The following FAM117B variants were observed in gnomAD, a reference collection of about 807,000 sequenced individuals.
FAM117B encodes the protein family with sequence similarity 117 member B.
In FAM117B, 22 loss-of-function variants were observed where a neutral mutation model predicts 52.8. The observed-to-expected ratio is 0.42, with a 90% CI of 0.30 to 0.59. FAM117B has a LOEUF of 0.59. Ranked by LOEUF, FAM117B falls within the 20% of genes least tolerant of loss-of-function variation. FAM117B has a pLI of 0.22. For missense variants in FAM117B, 678 were observed against 802.6 expected, an observed-to-expected ratio of 0.84 and a Z score of 1.88; for synonymous variants, 309 against 324.1, an observed-to-expected ratio of 0.95 and a Z score of 0.50.
chr2:202,661,151 T>C (rs1033223554), intron 1 of FAM117B, among the ~76,000 whole-genome samples: 3 of 152,232 alleles, frequency 2.0e-5, no homozygotes, highest in African/African-American at 7.2e-5. Context: ...TTTTGTTTTG[T>C]TCCCAAATCT....
Position 202,765,977 on chromosome 2 carries a change from G to T in FAM117B, c.*213G>T. On this transcript the variant is annotated 3_prime_UTR_variant, in exon 8 of 8. Coordinates refer to ENST00000392238, the MANE Select transcript of FAM117B (RefSeq NM_173511.4). ...AGTGCTTAGCCTGCTTTTTATCAAA[G>T]CACTGATTGAAACAAGAAAGGTCTC... The T allele has an allele frequency of 1.8e-6, 1 of 541,252 alleles. No individual in the cohort carries two copies. Among genetic ancestry groups the T allele is most frequent in the Non-Finnish European group, 3.3e-6 (1 of 303,926 alleles). The allele number at this position is 541,252 out of a possible 1,614,324, so 33.5% of individuals were successfully genotyped here.
At chr2:202,716,226 AAAC>A (rs1488738276) in intron 2 of FAM117B, among the ~76,000 whole-genome samples, 2 of 152,054 alleles carry the variant, frequency 1.3e-5, no homozygotes, top group East Asian at 3.9e-4. Context: ...TTCCATTTGC[AAAC>A]AACATCTTTT....
chr2:202,684,124 C>T (rs1437830647), intron 1 of FAM117B, among the ~76,000 whole-genome samples: 1 of 152,174 alleles, frequency 6.6e-6, no homozygotes. Context: ...GCCTCAGCCT[C>T]CCAAAGTGCT....
chr2:202,715,338 G>A (rs1181317732), intron 2 of FAM117B, among the ~76,000 whole-genome samples: 6 of 148,502 alleles, frequency 4.0e-5, no homozygotes, highest in East Asian at 2.0e-4. Context: ...GGTGGCTGCC[G>A]GGCGGAGACG....
chr2:202,763,518 T>C (rs1031131738), intron 7 of FAM117B, among the ~76,000 whole-genome samples: 1 of 152,196 alleles, frequency 6.6e-6, no homozygotes, highest in African/African-American at 2.4e-5. Flanking sequence ...GGTAATTCTG[T>C]CTTCAAAGGA....
At chr2:202,677,966 AC>A (rs1481589879) in intron 1 of FAM117B, among the ~76,000 whole-genome samples, 1 of 152,124 alleles carries the variant, frequency 6.6e-6, no homozygotes, top group African/African-American at 2.4e-5. Context: ...TGCATAGAAA[AC>A]CATTTCGTGA....
chr2:202,742,614 GA>G (rs1207402683), intron 4 of FAM117B, among the ~76,000 whole-genome samples: 2 of 151,568 alleles, frequency 1.3e-5, no homozygotes, highest in African/African-American at 2.4e-5. Flanking sequence ...AATCTCAGCA[GA>G]AAAAAAAGAT....
chr2:202,681,918 C>T (rs1268777527), intron 1 of FAM117B, among the ~76,000 whole-genome samples: 1 of 152,214 alleles, frequency 6.6e-6, no homozygotes, highest in Non-Finnish European at 1.5e-5. Flanking sequence ...CACTCATGGC[C>T]TGCCCCGCCC....
chr2:202,761,177 A>G (rs1040354524), intron 7 of FAM117B, among the ~76,000 whole-genome samples: 1 of 152,230 alleles, frequency 6.6e-6, no homozygotes, highest in African/African-American at 2.4e-5. Context: ...GACTATAGGC[A>G]TGAGCCACTG....
rs374560975 is a variant in FAM117B at position 202,765,569 on chromosome 2, G to A, written c.1575G>A (p.Pro525=). The A allele has an allele frequency of 4.8e-5, 77 of 1,613,864 alleles. No homozygotes were observed. The highest frequency in any genetic ancestry group is 1.8e-4 in the Admixed American group (11 of 59,994). ...TCCTCAAGCCACTCCTTCCTACCCC[G>A]GATCTTACACTCAAGGGCTCTGGCC... The part of the protein sequence containing the change: ...VSILKPLLPT[P]DLTLKGSGHS... The change falls in exon 8 of 8, where the codon CCG becomes CCA. Residue 525 remains proline, a synonymous_variant. Transcript: ENST00000392238.
At chr2:202,677,258 G>A (rs1227770579) in intron 1 of FAM117B, among the ~76,000 whole-genome samples, 1 of 151,992 alleles carries the variant, frequency 6.6e-6, no homozygotes, top group Non-Finnish European at 1.5e-5. Context: ...AGTAGAGATG[G>A]AGTTTCACGA....
intron 4 of FAM117B, among the ~76,000 whole-genome samples, chr2:202,740,173 C>CAAAAAAAAAAAAAAAAAAAAA (rs1358404767): frequency 1.4e-5 from 1 of 69,686 alleles, no homozygotes; most frequent in Non-Finnish European, 2.6e-5. Flanking sequence ...ACTTCATCCC[C>CAAAAAAAAAAAAAAAAAAAAA]CAAAAAAAAA....
chr2:202,669,156 A>G (rs891263124), intron 1 of FAM117B, among the ~76,000 whole-genome samples: 2 of 152,152 alleles, frequency 1.3e-5, no homozygotes, highest in African/African-American at 4.8e-5. Flanking sequence ...TTGGTTGTAA[A>G]ATGGTGTTAG....
At chr2:202,705,599 T>A (rs1166195913) in intron 2 of FAM117B, among the ~76,000 whole-genome samples, 1 of 152,238 alleles carries the variant, frequency 6.6e-6, no homozygotes, top group East Asian at 1.9e-4. Context: ...TAAGACTGAT[T>A]TGCCATTTCT....
At chr2:202,721,829 T>A (rs936434507) in intron 2 of FAM117B, among the ~76,000 whole-genome samples, 2 of 151,944 alleles carry the variant, frequency 1.3e-5, no homozygotes, top group African/African-American at 4.8e-5. Flanking sequence ...AGATGAGGTC[T>A]CCCTGTGTTC....
intron 2 of FAM117B, among the ~76,000 whole-genome samples, chr2:202,709,979 T>C (rs1173656886): frequency 6.6e-6 from 1 of 152,238 alleles, no homozygotes; most frequent in African/African-American, 2.4e-5. Flanking sequence ...TACTGTCCCA[T>C]TGATGTATGT....
At chr2:202,755,706 C>A in intron 5 of FAM117B, 25 bp downstream of exon 5, 5 of 1,589,864 alleles carry the variant, frequency 3.1e-6, no homozygotes, top group East Asian at 2.2e-5. Context: ...ATCTTAAAAT[C>A]ATTCTTGAAC....
chr2:202,746,865 A>G lies in FAM117B; in HGVS notation c.961-8673A>G, dbSNP rs1691641090. On this transcript the variant is annotated intron_variant, in intron 4 of 7. Coordinates refer to ENST00000392238, the MANE Select transcript of FAM117B (RefSeq NM_173511.4). ...CTCAAACTATTGCAAACAATTATAG[A>G]GGAAGGAGTTTCTCCTAACTCATTT... 2.0e-5 allele frequency among the ~76,000 whole-genome samples: 3 copies of G among 152,206 alleles called. No homozygotes were observed. The South Asian group carries it at 6.2e-4, about 32-fold the overall frequency.
intron 1 of FAM117B, among the ~76,000 whole-genome samples, chr2:202,650,809 G>A (rs1689944094): frequency 6.6e-6 from 1 of 152,120 alleles, no homozygotes; most frequent in East Asian, 1.9e-4. Flanking sequence ...CAGCAAGTCC[G>A]CTCTTCCAAG....
Sources: gnomAD v4.1 joint callset for allele counts (sites outside exome capture counted in the v4.1 genomes callset) on GRCh38, gnomAD v4.1.1 for gene constraint, MANE v1.5 for transcripts, NCBI Gene and HGNC (gene_info 2026-07-23, HGNC 2026-07-21) for gene names.